The following CDH18 variants were observed in gnomAD, a reference collection of about 807,000 sequenced individuals.
CDH18 encodes cadherin 18.
A neutral mutation model predicts 67.9 loss-of-function variants in CDH18; 31 were observed. The ratio of observed to expected loss-of-function variants is 0.46; its 90% confidence interval spans 0.34 to 0.62. The LOEUF (loss-of-function observed/expected upper bound fraction) is 0.62, where lower values mean the gene tolerates loss of function less well. Ranked by LOEUF, CDH18 falls within the 20% of genes least tolerant of loss-of-function variation. The pLI, the probability that CDH18 is intolerant of heterozygous loss-of-function variation, is 0.01. For synonymous variants in CDH18, 362 were observed against 347.2 expected (o/e 1.04, Z -0.48); for missense variants, 890 against 975.5 (o/e 0.91, Z 1.17).
At chr5:20,475,612 A>T (rs1561041973) in intron 1 of CDH18, among the ~76,000 whole-genome samples, 1 of 151,772 alleles carries the variant, frequency 6.6e-6, no homozygotes. Flanking sequence ...AAGTTCTAAA[A>T]GTTTTTAAAT....
intron 1 of CDH18, among the ~76,000 whole-genome samples, chr5:20,457,083 C>A (rs1029920474): frequency 9.2e-5 from 14 of 152,132 alleles, no homozygotes; most frequent in African/African-American, 3.4e-4. Flanking sequence ...CTTTTACGTG[C>A]AAGCAGATTT....
chr5:19,593,707 C>CTTCTTCTTCTTCTTCTT (rs1554054959), intron 6 of CDH18, among the ~76,000 whole-genome samples: 1 of 33,384 alleles, frequency 3.0e-5, no homozygotes, highest in Non-Finnish European at 5.5e-5. Flanking sequence ...TCCTCCTCCT[C>CTTCTTCTTCTTCTTCTT]CTTCTTCTTC....
chr5:20,076,219 G>C (rs1743921780), intron 2 of CDH18, among the ~76,000 whole-genome samples: 1 of 151,908 alleles, frequency 6.6e-6, no homozygotes, highest in African/African-American at 2.4e-5. Flanking sequence ...ACACATATCA[G>C]GTATATAGTG....
At chr5:19,823,944 C>T (rs1250270909) in intron 3 of CDH18, among the ~76,000 whole-genome samples, 1 of 151,954 alleles carries the variant, frequency 6.6e-6, no homozygotes, top group Non-Finnish European at 1.5e-5. Flanking sequence ...CACACAATTA[C>T]ATGAAAGTTA....
rs59764100 is a variant in CDH18, at chr5:20,279,725, A to AAAAAAAAAAAAAAAAAAAAC, written c.-579-24221_-579-24220insGTTTTTTTTTTTTTTTTTTT. Among the ~76,000 whole-genome samples the AAAAAAAAAAAAAAAAAAAAC allele has an allele frequency of 3.3e-4, 42 of 128,858 alleles. 1 individual carries two copies. Among genetic ancestry groups the AAAAAAAAAAAAAAAAAAAAC allele is most frequent in the East Asian group, 4.7e-4 (2 of 4,224 alleles). 84.5% of individuals were successfully genotyped at this position (128,858 alleles called of 152,430 possible). Reference sequence around the variant, plus strand: ...AAAAAAAAAAAAAAAAAAAAAAAAAAAAAGCAAAAACTGTAAGAGCGAGAT... The same window carrying AAAAAAAAAAAAAAAAAAAAC: ...AAAAAAAAAAAAAAAAAAAAAAAAAAAAAAAAAAAAAAAAAAAAACAAAGCAAAAACTGTAAGAGCGAGAT... On this transcript the variant is annotated intron_variant, in intron 1 of 14. Coordinates refer to the CDH18 transcript ENST00000507958.
At chr5:19,521,206 T>A (rs1165061405) in intron 9 of CDH18, among the ~76,000 whole-genome samples, 1 of 152,052 alleles carries the variant, frequency 6.6e-6, no homozygotes, top group Non-Finnish European at 1.5e-5. Flanking sequence ...AAACAAAAAA[T>A]AAATTTCTTT....
chr5:20,310,777 C>A (rs1353849039), intron 1 of CDH18, among the ~76,000 whole-genome samples: 1 of 152,142 alleles, frequency 6.6e-6, no homozygotes. Context: ...ACATTGAATG[C>A]ATTGTCCACA....
intron 5 of CDH18, among the ~76,000 whole-genome samples, chr5:19,616,430 T>C (rs1277103461): frequency 2.0e-5 from 3 of 152,264 alleles, no homozygotes; most frequent in East Asian, 1.9e-4. Context: ...AAAATGATCA[T>C]ATGCAATGAT....
chr5:20,157,064 T>C (rs2126594274), intron 2 of CDH18, among the ~76,000 whole-genome samples: 1 of 152,278 alleles, frequency 6.6e-6, no homozygotes, highest in South Asian at 2.1e-4. Flanking sequence ...AGGTAGTGTA[T>C]ATGGCATGGG....
chr5:19,987,993 A>T (rs990721869), intron 1 of CDH18, 93 bp downstream of exon 1: 2 of 152,168 alleles, frequency 1.3e-5, no homozygotes, highest in Admixed American at 1.3e-4. Context: ...TTCACCCAAT[A>T]TTGCTTTGAC....
intron 2 of CDH18, among the ~76,000 whole-genome samples, chr5:19,917,307 C>A (rs1312921217): frequency 6.6e-6 from 1 of 151,962 alleles, no homozygotes; most frequent in African/African-American, 2.4e-5. Context: ...GGCTTCCTTA[C>A]GTTCTCCTCC....
intron 1 of CDH18, among the ~76,000 whole-genome samples, chr5:20,494,637 T>A (rs1753803392): frequency 6.6e-6 from 1 of 152,070 alleles, no homozygotes; most frequent in Non-Finnish European, 1.5e-5. Flanking sequence ...TTTGAAGAAA[T>A]GTTAACAAGT....
intron 1 of CDH18, among the ~76,000 whole-genome samples, chr5:20,463,320 A>C (rs1450726819): frequency 6.6e-6 from 1 of 151,968 alleles, no homozygotes. Flanking sequence ...AAAAGAGACA[A>C]CTGACAAGAT....
At position 19,549,958 on chromosome 5, in the gene CDH18, A is replaced by G. The variant is rs150073952; in HGVS notation, c.1254-5953T>C. Among the ~76,000 whole-genome samples, 393 of 152,194 alleles carry G rather than the reference A, an allele frequency of 2.6e-3. 1 individual carries two copies. The highest frequency in any genetic ancestry group is 4.8e-3 in the Non-Finnish European group (325 of 68,002). Reference sequence around the variant, plus strand: ...TGATCAGTCCTGAAAGAGGAAAAACAGTTAAATAGAGATATGTGCACCAGA... The same window carrying G: ...TGATCAGTCCTGAAAGAGGAAAAACGGTTAAATAGAGATATGTGCACCAGA... On this transcript the variant is annotated intron_variant, in intron 8 of 12. Transcript: ENST00000382275.
intron 2 of CDH18, among the ~76,000 whole-genome samples, chr5:20,202,749 A>G (rs1431310988): frequency 6.6e-6 from 1 of 151,922 alleles, no homozygotes; most frequent in East Asian, 1.9e-4. Context: ...ATTAGCTTTA[A>G]TATTTTACTT....
intron 8 of CDH18, among the ~76,000 whole-genome samples, chr5:19,549,776 GAAAGGAAGA>G (rs1737055048): frequency 9.0e-6 from 1 of 110,662 alleles, no homozygotes; most frequent in East Asian, 2.9e-4. Flanking sequence ...AAGAAAGAAA[GAAAGGAAGA>G]AAGAAAGGAA....
chr5:20,496,919 A>T (rs1337755392), intron 1 of CDH18, among the ~76,000 whole-genome samples: 2 of 152,036 alleles, frequency 1.3e-5, no homozygotes, highest in Admixed American at 1.3e-4. Flanking sequence ...AAATAAAAAT[A>T]AAAAAATAAA....
At chr5:19,612,966 C>T (rs988082349) in intron 5 of CDH18, among the ~76,000 whole-genome samples, 2 of 151,828 alleles carry the variant, frequency 1.3e-5, no homozygotes, top group African/African-American at 2.4e-5. Context: ...TGGTGAAACC[C>T]CGTCTCTACT....
At chr5:19,592,465 A>T (rs1320578520) in intron 6 of CDH18, among the ~76,000 whole-genome samples, 2 of 152,108 alleles carry the variant, frequency 1.3e-5, no homozygotes, top group Non-Finnish European at 2.9e-5. Context: ...GGAATCTTGA[A>T]TTAAAATGTA....
Sources: gnomAD v4.1 joint callset for allele counts (sites outside exome capture counted in the v4.1 genomes callset) on GRCh38, gnomAD v4.1.1 for gene constraint, MANE v1.5 for transcripts, NCBI Gene and HGNC (gene_info 2026-07-23, HGNC 2026-07-21) for gene names.